Variants in NSUN7 observed in about 807,000 individuals in gnomAD.
NSUN7 encodes the protein NOP2/Sun RNA methyltransferase family member 7.
A neutral mutation model predicts 58.5 loss-of-function variants in NSUN7; 39 were observed. That is an observed-to-expected ratio of 0.67 (90% CI 0.52 to 0.87). NSUN7 has a LOEUF of 0.87. NSUN7 is among the 40% of genes least tolerant of loss of function. The pLI is 0.00. For synonymous variants in NSUN7, 278 were observed against 303.7 expected, an observed-to-expected ratio of 0.92 and a Z score of 0.88; for missense variants, 765 against 844.1, an observed-to-expected ratio of 0.91 and a Z score of 1.16.
intron 10 of NSUN7, among the ~76,000 whole-genome samples, chr4:40,804,111 A>C (rs564521806): frequency 6.6e-6 from 1 of 152,224 alleles, no homozygotes; most frequent in East Asian, 1.9e-4. Context: ...TTATATGTCT[A>C]TACTTAAGCC....
At chr4:40,754,591 T>A (rs545118445) in intron 2 of NSUN7, among the ~76,000 whole-genome samples, 2 of 152,246 alleles carry the variant, frequency 1.3e-5, no homozygotes, top group Non-Finnish European at 2.9e-5. Flanking sequence ...CAAGGAATAA[T>A]GATTCAGAAA....
chr4:40,807,234 A>G, intron 11 of NSUN7, 50 bp downstream of exon 11: 1 of 1,487,532 alleles, frequency 6.7e-7, no homozygotes, highest in Non-Finnish European at 9.0e-7. Context: ...TTAATAAACT[A>G]CAAAGCCTCA....
At chr4:40,764,588 T>G (rs1265696608) in intron 4 of NSUN7, among the ~76,000 whole-genome samples, 2 of 152,328 alleles carry the variant, frequency 1.3e-5, no homozygotes, top group Admixed American at 6.5e-5. Flanking sequence ...CCTTTGGGTA[T>G]ATACCCAGTA....
chr4:40,773,800 C>T (rs999469460), intron 4 of NSUN7, among the ~76,000 whole-genome samples: 1 of 152,042 alleles, frequency 6.6e-6, no homozygotes, highest in Non-Finnish European at 1.5e-5. Context: ...TATTGGATTT[C>T]TATTTTCTTT....
chr4:40,779,385 C>CCT, intron 7 of NSUN7, among the ~76,000 whole-genome samples: 1 of 152,226 alleles, frequency 6.6e-6, no homozygotes, highest in South Asian at 2.1e-4. Context: ...TGGCGGATCA[C>CCT]AAGGTCAGGA....
chr4:40,750,525 A>T, intron 1 of NSUN7, 78 bp from the exon 2 acceptor site: 1 of 658,174 alleles, frequency 1.5e-6, no homozygotes, highest in Non-Finnish European at 2.5e-6. Context: ...CTTAGTCTTT[A>T]AGGCCACAAC....
At chr4:40,768,968 CA>C (rs541604519) in intron 4 of NSUN7, among the ~76,000 whole-genome samples, 89 of 152,312 alleles carry the variant, frequency 5.8e-4, no homozygotes, top group Admixed American at 1.0e-3. Flanking sequence ...CAAACCACCC[CA>C]AAACCATTTA....
Position 40,776,043 on chromosome 4 carries a change from T to C in NSUN7, c.826-6T>C. The C allele has an allele frequency of 6.4e-7, 1 of 1,570,478 alleles. No individual in the cohort carries two copies. Among genetic ancestry groups the C allele is most frequent in the Non-Finnish European group, 8.7e-7 (1 of 1,150,090 alleles). On this transcript the variant is annotated splice_region_variant and splice_polypyrimidine_tract_variant and intron_variant, in intron 6 of 11. Coordinates refer to ENST00000381782, the MANE Select transcript of NSUN7 (RefSeq NM_024677.6). The stretch of plus-strand genomic sequence containing the variant: ...TTGAAATTCTAATCATACCATTATC[T>C]TACAGGACAAATCTCGAAGTCTTGC...
chr4:40,774,533 G>T, intron 5 of NSUN7, 116 bp downstream of exon 5: 1 of 1,008,688 alleles, frequency 9.9e-7, no homozygotes, highest in Non-Finnish European at 1.5e-6. Flanking sequence ...AGTGATTAGG[G>T]AATCAGAGTT....
intron 7 of NSUN7, among the ~76,000 whole-genome samples, chr4:40,779,962 A>G (rs1340211127): frequency 6.6e-6 from 1 of 152,146 alleles, no homozygotes; most frequent in Non-Finnish European, 1.5e-5. Flanking sequence ...TGAAATATAG[A>G]ATTGGAATAT....
At chr4:40,761,628 T>G (rs1560547032) in intron 4 of NSUN7, among the ~76,000 whole-genome samples, 2 of 152,186 alleles carry the variant, frequency 1.3e-5, no homozygotes, top group Non-Finnish European at 2.9e-5. Context: ...ATTTATAGCT[T>G]TGTAAAACAA....
intron 7 of NSUN7, chr4:40,786,129 A>G (rs1208125195): frequency 4.4e-6 from 7 of 1,578,250 alleles, no homozygotes; most frequent in African/African-American, 2.7e-5. Flanking sequence ...ATGGGCTATC[A>G]GACCAGACTT....
intron 7 of NSUN7, among the ~76,000 whole-genome samples, chr4:40,789,829 C>T (rs1742995669): frequency 6.6e-6 from 1 of 152,026 alleles, no homozygotes; most frequent in Non-Finnish European, 1.5e-5. Context: ...AGAAAGGCAG[C>T]AGGTGGGGCC....
At position 40,775,579 on chromosome 4, in the gene NSUN7, A is replaced by G. The variant is rs1742224155; in HGVS notation, c.826-470A>G. The G allele has an allele frequency of 6.5e-6, 1 of 153,302 alleles. No individual in the cohort carries two copies. Among genetic ancestry groups the G allele is most frequent in the South Asian group, 2.0e-4 (1 of 4,888 alleles). 9.5% of individuals were successfully genotyped at this position (153,302 alleles called of 1,614,324 possible). A position where few individuals can be genotyped will look rare whatever the true frequency, so the allele number is the denominator to read the frequency against. On this transcript the variant is annotated intron_variant, in intron 6 of 11. Coordinates refer to ENST00000381782, the MANE Select transcript of NSUN7 (RefSeq NM_024677.6). The surrounding 1 kb of genome is among the most constrained non-coding windows in gnomAD (Gnocchi z 4.3). ...ATTCTTGGGCAGAATCTCTTACCAT[A>G]TCAAGCACTGAGATCAACTGCAGAA...
In NSUN7 at chr4:40,808,432, A is replaced by C. The variant is rs749068768; in HGVS notation, c.1650A>C (p.Thr550=). ...AGAAGAAGAAGAAAAAATCAAAAAC[A>C]TCATTGACAAAAGGTGCCACTACTG... ...KREKKKKKSK[T]SLTKGATTDN... The change falls in exon 12 of 12, where the codon ACA becomes ACC. Residue 550 remains threonine, a synonymous_variant. Transcript: ENST00000381782. The C allele has an allele frequency of 4.3e-6, 7 of 1,611,074 alleles. No individual in the cohort carries two copies. The highest frequency in any genetic ancestry group is 5.9e-6 in the Non-Finnish European group (7 of 1,178,110).
At chr4:40,807,285 G>C in intron 11 of NSUN7, 101 bp downstream of exon 11, 1 of 1,083,714 alleles carries the variant, frequency 9.2e-7, no homozygotes, top group Non-Finnish European at 1.3e-6. Context: ...GTAAAGATGT[G>C]TTTGCATTTC....
At chr4:40,806,053 G>A (rs890156701) in intron 10 of NSUN7, among the ~76,000 whole-genome samples, 12 of 152,088 alleles carry the variant, frequency 7.9e-5, no homozygotes, top group Admixed American at 3.3e-4. Flanking sequence ...TGCCCAGGCC[G>A]GAGTGCAATG....
intron 2 of NSUN7, 133 bp downstream of exon 2, chr4:40,751,124 T>G (rs1740810745): frequency 4.4e-6 from 4 of 914,108 alleles, no homozygotes; most frequent in Non-Finnish European, 4.9e-6. Flanking sequence ...TATCTTTGGT[T>G]AATTGCAAGT....
At chr4:40,784,892 C>T (rs1371350098) in intron 7 of NSUN7, among the ~76,000 whole-genome samples, 1 of 152,154 alleles carries the variant, frequency 6.6e-6, no homozygotes, top group East Asian at 1.9e-4. Flanking sequence ...AAGATGGAAA[C>T]AACATGATCA....
Sources: allele counts gnomAD v4.1 joint callset (sites outside exome capture counted in the v4.1 genomes callset), GRCh38; gene constraint gnomAD v4.1.1; non-coding constraint Gnocchi (gnomAD v3.1); transcripts MANE v1.5; gene names NCBI Gene and HGNC (gene_info 2026-07-23, HGNC 2026-07-21).